The following PABPC4L variants were observed in gnomAD, a reference collection of about 807,000 sequenced individuals.
PABPC4L encodes poly(A) binding protein cytoplasmic 4 like, also known as polyadenylate-binding protein 4-like.
For synonymous variants in PABPC4L, 169 were observed against 164.1 expected, an observed-to-expected ratio of 1.03 and a Z score of -0.23; for missense variants, 452 against 451.4, an observed-to-expected ratio of 1.00 and a Z score of -0.01.
the PABPC4L span, among the ~76,000 whole-genome samples, chr4:133,981,105 G>A: frequency 6.6e-6 from 1 of 151,940 alleles, no homozygotes; most frequent in Non-Finnish European, 1.5e-5. Flanking sequence ...AGGTTGCAGT[G>A]AGTGGAGATC....
At chr4:134,141,489 A>G in the PABPC4L span, among the ~76,000 whole-genome samples, 1 of 149,836 alleles carries the variant, frequency 6.7e-6, no homozygotes, top group East Asian at 1.9e-4. Flanking sequence ...ATAACTATAT[A>G]TTATATTATA....
At chr4:133,978,164 T>A in the PABPC4L span, 1 of 152,344 alleles carries the variant, frequency 6.6e-6, no homozygotes, top group South Asian at 2.1e-4. Context: ...GCAACAAGTA[T>A]GTTACAGGCC....
chr4:133,977,109 T>A, the PABPC4L span, among the ~76,000 whole-genome samples: 1 of 152,118 alleles, frequency 6.6e-6, no homozygotes, highest in East Asian at 1.9e-4. Flanking sequence ...AAGAAAGTGG[T>A]CCAGGTTTAA....
the PABPC4L span, among the ~76,000 whole-genome samples, chr4:134,178,959 C>T: frequency 1.3e-5 from 2 of 152,060 alleles, no homozygotes; most frequent in African/African-American, 4.8e-5. Context: ...AACTAAGCAA[C>T]TTAAAACACA....
chr4:134,133,442 T>C, the PABPC4L span, among the ~76,000 whole-genome samples: 5 of 145,842 alleles, frequency 3.4e-5, no homozygotes. Flanking sequence ...ATATTAAATA[T>C]ATAATATATA....
At chr4:134,019,165 G>C in the PABPC4L span, among the ~76,000 whole-genome samples, 2 of 152,086 alleles carry the variant, frequency 1.3e-5, no homozygotes, top group African/African-American at 4.8e-5. Flanking sequence ...GTTGAATAAA[G>C]AATGAGAGAA....
chr4:133,997,831 T>G, the PABPC4L span, among the ~76,000 whole-genome samples: 1 of 152,290 alleles, frequency 6.6e-6, no homozygotes. Flanking sequence ...GTAATGCATG[T>G]TTATATCACT....
At chr4:134,067,519 A>C in the PABPC4L span, among the ~76,000 whole-genome samples, 3 of 151,960 alleles carry the variant, frequency 2.0e-5, no homozygotes, top group African/African-American at 7.2e-5. Context: ...TCCACAACTT[A>C]ATTTCCTTCG....
At chr4:134,044,610 T>G in the PABPC4L span, among the ~76,000 whole-genome samples, 1 of 152,184 alleles carries the variant, frequency 6.6e-6, no homozygotes, top group East Asian at 1.9e-4. Context: ...ATTTTAGACA[T>G]GCTCCATGTT....
the PABPC4L span, among the ~76,000 whole-genome samples, chr4:134,186,510 T>C: frequency 6.6e-6 from 1 of 152,080 alleles, no homozygotes; most frequent in African/African-American, 2.4e-5. Flanking sequence ...TGAAACTGGA[T>C]CCCTTCCTTA....
At chr4:134,184,661 G>A in the PABPC4L span, among the ~76,000 whole-genome samples, 1 of 151,944 alleles carries the variant, frequency 6.6e-6, no homozygotes, top group Non-Finnish European at 1.5e-5. Context: ...CTACTGAAGG[G>A]CACCTTGGTG....
chr4:134,066,215 A>C, the PABPC4L span, among the ~76,000 whole-genome samples: 30 of 151,932 alleles, frequency 2.0e-4, no homozygotes, highest in Middle Eastern at 3.4e-3. Context: ...GTCATCTATG[A>C]TTTCTTTTAT....
chr4:133,953,150 A>G, the PABPC4L span, among the ~76,000 whole-genome samples: 197 of 152,204 alleles, frequency 1.3e-3, 3 homozygotes, highest in African/African-American at 4.5e-3. Flanking sequence ...TCCATTCCAG[A>G]CATTCTCTCT....
the PABPC4L span, among the ~76,000 whole-genome samples, chr4:134,072,488 G>T: frequency 6.6e-6 from 1 of 152,278 alleles, no homozygotes; most frequent in Non-Finnish European, 1.5e-5. Context: ...TACTTCTTTA[G>T]AATTGTAGGT....
At position 134,200,353 on chromosome 4, in the gene PABPC4L, T is replaced by A. The variant is rs754179870; in HGVS notation, c.667A>T (p.Thr223Ser). 1 of 1,593,966 alleles carries A rather than the reference T, an allele frequency of 6.3e-7. No homozygotes were observed. Among genetic ancestry groups the A allele is most frequent in the Non-Finnish European group, 8.6e-7 (1 of 1,168,854 alleles). Residue 223 changes from threonine (T) to serine (S), a missense_variant, in exon 2 of 2, where the codon ACA becomes TCA. By Grantham distance (58) the Thr-to-Ser change is moderately conservative. Transcript: ENST00000421491. ...CCTTTGGATTTCCCACTGGAATCTG[T>A]CATCACCTTAACACTCAGAGTTTTG... ...YGKTLSVKVMTDSSGKSKGFG... is the reference protein window; with the variant it reads ...YGKTLSVKVMSDSSGKSKGFG...
the PABPC4L span, among the ~76,000 whole-genome samples, chr4:133,956,237 C>T: frequency 8.7e-4 from 132 of 152,220 alleles, 1 homozygote; most frequent in African/African-American, 3.1e-3. Context: ...AAGTGAGGGA[C>T]ACTAGGAATG....
chr4:134,195,034 A>G (rs1006934925), downstream of PABPC4L, among the ~76,000 whole-genome samples: 4 of 151,876 alleles, frequency 2.6e-5, no homozygotes, highest in African/African-American at 9.6e-5. Flanking sequence ...CCTTTTGCCA[A>G]TTGCAATCTA....
At chr4:134,128,992 G>A in the PABPC4L span, among the ~76,000 whole-genome samples, 5 of 151,990 alleles carry the variant, frequency 3.3e-5, no homozygotes, top group African/African-American at 4.8e-5. Context: ...AATATTCCAC[G>A]CAAAGGGGCA....
At chr4:134,043,191 A>AT in the PABPC4L span, among the ~76,000 whole-genome samples, 1 of 149,568 alleles carries the variant, frequency 6.7e-6, no homozygotes, top group Non-Finnish European at 1.5e-5. Context: ...ACAATTTGTT[A>AT]TTTTATTAAA....
Sources: allele counts gnomAD v4.1 joint callset (sites outside exome capture counted in the v4.1 genomes callset), GRCh38; gene constraint gnomAD v4.1.1; transcripts MANE v1.5; gene names NCBI Gene and HGNC (gene_info 2026-07-23, HGNC 2026-07-21).